FRMD6: variants seen among roughly 807,000 people sequenced by gnomAD.
FRMD6 encodes the protein FERM domain containing 6, also known as FERM domain-containing protein 6.
In FRMD6, 37 loss-of-function variants were observed where a neutral mutation model predicts 73.2. That is an observed-to-expected ratio of 0.51 (90% CI 0.39 to 0.66). The LOEUF (loss-of-function observed/expected upper bound fraction) is 0.66, where lower values mean the gene tolerates loss of function less well. Among genes scored for constraint, FRMD6 ranks in the 30% least tolerant of loss-of-function variants. The probability of loss-of-function intolerance (pLI) is 0.00; values close to 1 mark genes in which losing one functional copy is unlikely to be tolerated. For synonymous variants in FRMD6, 273 were observed against 282.2 expected (o/e 0.97, Z 0.33); for missense variants, 714 against 780.5 (o/e 0.91, Z 1.02).
chr14:51,441,012 C>T, the FRMD6 span, among the ~76,000 whole-genome samples: 1 of 152,200 alleles, frequency 6.6e-6, no homozygotes, highest in Non-Finnish European at 1.5e-5. Flanking sequence ...TATGCCTTTA[C>T]CCACTTGATA....
At chr14:51,458,999 T>A in the FRMD6 span, among the ~76,000 whole-genome samples, 1 of 152,192 alleles carries the variant, frequency 6.6e-6, no homozygotes, top group Admixed American at 6.5e-5. Context: ...AACAACCCCA[T>A]CCCTCCTCCT....
upstream of FRMD6, among the ~76,000 whole-genome samples, chr14:51,484,780 G>C (rs1315247216): frequency 6.6e-6 from 1 of 152,216 alleles, no homozygotes; most frequent in Non-Finnish European, 1.5e-5. Flanking sequence ...TGGATGATGA[G>C]TGCCAGTTTC....
At chr14:51,511,231 T>C (rs955158459) in intron 1 of FRMD6, among the ~76,000 whole-genome samples, 22 of 152,250 alleles carry the variant, frequency 1.4e-4, no homozygotes, top group African/African-American at 4.6e-4. Flanking sequence ...AGTTATTTAC[T>C]TGTAACCTTG....
intron 2 of FRMD6, among the ~76,000 whole-genome samples, chr14:51,586,166 T>C (rs1889039368): frequency 6.6e-6 from 1 of 151,798 alleles, no homozygotes; most frequent in Non-Finnish European, 1.5e-5. Context: ...CATACTGTTT[T>C]CTACAAAGGT....
intron 1 of FRMD6, among the ~76,000 whole-genome samples, chr14:51,557,708 T>C (rs918201715): frequency 6.6e-6 from 1 of 152,158 alleles, no homozygotes; most frequent in Admixed American, 6.5e-5. Flanking sequence ...GTAATAGATA[T>C]ATTAATTAGT....
At chr14:51,497,133 T>G (rs1883344598) in intron 1 of FRMD6, among the ~76,000 whole-genome samples, 1 of 152,170 alleles carries the variant, frequency 6.6e-6, no homozygotes, top group African/African-American at 2.4e-5. Context: ...TGGGCACATA[T>G]TTTCAGATTC....
intron 1 of FRMD6, among the ~76,000 whole-genome samples, chr14:51,682,802 T>C (rs1407498780): frequency 6.6e-6 from 1 of 152,300 alleles, no homozygotes; most frequent in Middle Eastern, 3.4e-3. Flanking sequence ...ATGGAGGAAT[T>C]CTGGTTTTGC....
upstream of FRMD6, chr14:51,650,593 C>T (rs886492147): frequency 3.3e-5 from 5 of 151,090 alleles, no homozygotes; most frequent in Non-Finnish European, 5.9e-5. Context: ...GACGGGGTTT[C>T]ACCGTTTTAG....
chr14:51,428,747 C>T, the FRMD6 span, among the ~76,000 whole-genome samples: 4 of 152,022 alleles, frequency 2.6e-5, no homozygotes, highest in Non-Finnish European at 2.9e-5. Context: ...GGATTTATTT[C>T]CAATCCTTGT....
chr14:51,604,644 T>C (rs1284299018), intron 2 of FRMD6, among the ~76,000 whole-genome samples: 4 of 152,140 alleles, frequency 2.6e-5, no homozygotes, highest in South Asian at 2.1e-4. Context: ...TATGGCCCAT[T>C]GTATTTCTTC....
intron 1 of FRMD6, among the ~76,000 whole-genome samples, chr14:51,549,586 T>A (rs1886667290): frequency 8.6e-6 from 1 of 115,986 alleles, no homozygotes; most frequent in Non-Finnish European, 1.7e-5. Flanking sequence ...ATAAACTTTT[T>A]TTTTCTTTCT....
chr14:51,550,944 C>T (rs536340947), intron 1 of FRMD6, among the ~76,000 whole-genome samples: 11 of 152,294 alleles, frequency 7.2e-5, no homozygotes, highest in Admixed American at 5.2e-4. Context: ...CCGGGTACCA[C>T]CCACACTGTT....
intron 1 of FRMD6, among the ~76,000 whole-genome samples, chr14:51,559,895 T>C (rs1289107378): frequency 2.0e-5 from 3 of 152,208 alleles, no homozygotes; most frequent in Non-Finnish European, 4.4e-5. Flanking sequence ...GTCATGTTCA[T>C]AGGTAGAAAG....
intron 1 of FRMD6, among the ~76,000 whole-genome samples, chr14:51,570,016 C>T (rs896394315): frequency 5.3e-5 from 8 of 151,972 alleles, no homozygotes; most frequent in South Asian, 2.1e-4. Flanking sequence ...GGGGTTTCAC[C>T]ATGTTAGCCA....
intron 1 of FRMD6, among the ~76,000 whole-genome samples, chr14:51,502,098 T>C (rs1883657916): frequency 6.6e-6 from 1 of 152,180 alleles, no homozygotes; most frequent in Non-Finnish European, 1.5e-5. Context: ...TTTAAGTTTC[T>C]TAAAATAGCT....
At chr14:51,643,764 A>C (rs1223705261) in intron 2 of FRMD6, 1 of 152,220 alleles carries the variant, frequency 6.6e-6, no homozygotes, top group Non-Finnish European at 1.5e-5. Flanking sequence ...TAAACCTTGG[A>C]TGGAGGTGGC....
intron 1 of FRMD6, among the ~76,000 whole-genome samples, chr14:51,517,911 C>T (rs1884724068): frequency 6.6e-6 from 1 of 152,172 alleles, no homozygotes; most frequent in Non-Finnish European, 1.5e-5. Context: ...TGACTGTCTA[C>T]AGCTGACAAG....
the FRMD6 span, among the ~76,000 whole-genome samples, chr14:51,482,596 C>T: frequency 6.6e-6 from 1 of 151,908 alleles, no homozygotes; most frequent in African/African-American, 2.4e-5. Flanking sequence ...GAGAATCTGT[C>T]CAAGGAACAG....
At chr14:51,465,470 G>A in the FRMD6 span, among the ~76,000 whole-genome samples, 2 of 152,066 alleles carry the variant, frequency 1.3e-5, no homozygotes, top group Non-Finnish European at 2.9e-5. Context: ...GGTAACCATA[G>A]TTTGTTTTCT....
Sources: gnomAD v4.1 joint callset for allele counts (sites outside exome capture counted in the v4.1 genomes callset) on GRCh38, gnomAD v4.1.1 for gene constraint, MANE v1.5 for transcripts, NCBI Gene and HGNC (gene_info 2026-07-23, HGNC 2026-07-21) for gene names.